The following AKAP7 variants were observed in gnomAD, a reference collection of about 807,000 sequenced individuals.
The protein encoded by AKAP7 is A kinase (PRKA) anchor protein 7.
In AKAP7, 39 loss-of-function variants were observed where a neutral mutation model predicts 39.5. The observed-to-expected ratio is 0.99, with a 90% CI of 0.76 to 1.29. The LOEUF is 1.29. Among genes scored for constraint, AKAP7 ranks in the 50% most tolerant of loss-of-function variants. The pLI is 0.00. For missense variants in AKAP7, 414 were observed against 407.7 expected (o/e 1.02, Z -0.13); for synonymous variants, 140 against 139.1 (o/e 1.01, Z -0.05).
chr6:131,259,955 C>T (rs1350170979), intron 7 of AKAP7, among the ~76,000 whole-genome samples: 1 of 151,026 alleles, frequency 6.6e-6, no homozygotes, highest in African/African-American at 2.4e-5. Context: ...TCTTGCCCCT[C>T]ATCCACCCAA....
chr6:131,266,377 A>G (rs1244569122), intron 7 of AKAP7, among the ~76,000 whole-genome samples: 1 of 152,220 alleles, frequency 6.6e-6, no homozygotes, highest in Non-Finnish European at 1.5e-5. Flanking sequence ...CTTGAGAAGC[A>G]AATGTCAACT....
intron 7 of AKAP7, among the ~76,000 whole-genome samples, chr6:131,225,559 A>G (rs898479815): frequency 6.6e-6 from 1 of 152,176 alleles, no homozygotes; most frequent in African/African-American, 2.4e-5. Flanking sequence ...AGTTTTATCA[A>G]ATTATAGGTG....
chr6:131,128,122 G>A, the AKAP7 span, among the ~76,000 whole-genome samples: 2 of 152,146 alleles, frequency 1.3e-5, no homozygotes, highest in South Asian at 4.1e-4. Context: ...CGTGACATGC[G>A]TTTACCTATA....
intron 7 of AKAP7, among the ~76,000 whole-genome samples, chr6:131,246,596 CA>C (rs1408624049): frequency 1.3e-5 from 2 of 152,048 alleles, no homozygotes; most frequent in East Asian, 1.9e-4. Flanking sequence ...TGAATGTGTT[CA>C]GGGGCCATTC....
chr6:131,233,109 A>AAGTT (rs1810763606), intron 7 of AKAP7, among the ~76,000 whole-genome samples: 1 of 151,800 alleles, frequency 6.6e-6, no homozygotes, highest in South Asian at 2.1e-4. Flanking sequence ...TGGAAAAACA[A>AAGTT]AGTTGGCAAA....
upstream of AKAP7, among the ~76,000 whole-genome samples, chr6:131,131,051 C>T (rs1169831998): frequency 6.6e-6 from 1 of 152,202 alleles, no homozygotes; most frequent in African/African-American, 2.4e-5. Flanking sequence ...CAGGTATATG[C>T]AAACCTATCC....
chr6:131,198,980 A>G lies in AKAP7; in HGVS notation c.590-481A>G, dbSNP rs566128485. ...GACTCTATCTGTTTCATCTCCTTAC[A>G]CAAGACCTTGGGCATTCAAAGATGT... On this transcript the variant is annotated intron_variant, in intron 5 of 7. Coordinates refer to ENST00000431975, the MANE Select transcript of AKAP7 (RefSeq NM_016377.4). Among the ~76,000 whole-genome samples the G allele has an allele frequency of 1.8e-3, 277 of 152,290 alleles. 13 individuals carry two copies. In the South Asian group the frequency reaches 0.056, roughly 31 times the overall value.
At chr6:131,270,204 A>G (rs1814156866) in intron 7 of AKAP7, among the ~76,000 whole-genome samples, 1 of 152,190 alleles carries the variant, frequency 6.6e-6, no homozygotes, top group Non-Finnish European at 1.5e-5. Flanking sequence ...TCACTCTCCA[A>G]AATTCTCTCA....
At chr6:131,168,159 C>A (rs939036558) in intron 4 of AKAP7, among the ~76,000 whole-genome samples, 2 of 152,074 alleles carry the variant, frequency 1.3e-5, no homozygotes, top group Non-Finnish European at 2.9e-5. Context: ...CACCTGTAAT[C>A]CCAGCAATTT....
intron 3 of AKAP7, among the ~76,000 whole-genome samples, chr6:131,160,682 G>A (rs1802858017): frequency 6.6e-6 from 1 of 152,212 alleles, no homozygotes; most frequent in South Asian, 2.1e-4. Context: ...TGTTGGGAAG[G>A]TAAACTGGGG....
intron 1 of AKAP7, among the ~76,000 whole-genome samples, 179 bp from the exon 2 acceptor site, chr6:131,145,106 A>G (rs1308543056): frequency 6.8e-6 from 1 of 147,376 alleles, no homozygotes; most frequent in Non-Finnish European, 1.5e-5. Flanking sequence ...ACAAAAATAT[A>G]GAGTGTGGTA....
At chr6:131,128,371 G>C in the AKAP7 span, among the ~76,000 whole-genome samples, 2 of 152,148 alleles carry the variant, frequency 1.3e-5, no homozygotes, top group African/African-American at 2.4e-5. Context: ...TAGAAAATGA[G>C]GGTTAGTGGG....
chr6:131,252,811 T>C (rs1812544440), intron 7 of AKAP7, among the ~76,000 whole-genome samples: 2 of 152,198 alleles, frequency 1.3e-5, no homozygotes, highest in Non-Finnish European at 2.9e-5. Flanking sequence ...CTGGGTCTTA[T>C]TTATCTTTGT....
chr6:131,152,461 A>G lies in AKAP7; in HGVS notation c.151+7045A>G, dbSNP rs187797941. ...AATGGAGTTCAGTAATGAAAAGCAC[A>G]CGGATTTTATACTTTGACCATATAT... is the stretch of plus-strand genomic sequence containing the variant. On this transcript the variant is annotated intron_variant, in intron 2 of 7. Transcript: ENST00000431975. Among the ~76,000 whole-genome samples, 290 of 152,350 alleles carry G rather than the reference A, an allele frequency of 1.9e-3. 2 individuals carry two copies. Among genetic ancestry groups the G allele is most frequent in the African/African-American group, 6.4e-3 (268 of 41,588 alleles).
At chr6:131,174,768 G>A (rs561988780) in intron 5 of AKAP7, among the ~76,000 whole-genome samples, 2 of 152,288 alleles carry the variant, frequency 1.3e-5, no homozygotes, top group African/African-American at 4.8e-5. Flanking sequence ...TAAATTGTAT[G>A]TATATGCCTA....
intron 6 of AKAP7, among the ~76,000 whole-genome samples, chr6:131,203,157 A>G (rs1189324120): frequency 6.6e-6 from 1 of 152,250 alleles, no homozygotes; most frequent in Non-Finnish European, 1.5e-5. Context: ...AAAAGGTGGC[A>G]TACATACAAG....
intron 6 of AKAP7, among the ~76,000 whole-genome samples, chr6:131,208,143 A>G (rs947262264): frequency 2.6e-5 from 4 of 152,204 alleles, no homozygotes; most frequent in African/African-American, 9.7e-5. Flanking sequence ...ATTAGTCAAC[A>G]CTGTCATCTA....
Position 131,282,171 on chromosome 6 carries a change from C to T in AKAP7, c.*445C>T, listed in dbSNP as rs1211551704. 8.1e-7 allele frequency: 1 copy of T among 1,240,950 alleles called. No homozygotes were observed. The highest frequency in any genetic ancestry group is 3.4e-5 in the East Asian group (1 of 29,134). 76.9% of individuals were successfully genotyped at this position (1,240,950 alleles called of 1,614,324 possible). A position where few individuals can be genotyped will look rare whatever the true frequency, so the allele number is the denominator to read the frequency against. ...AAATAATCACTGTTGGAATTGTCAT[C>T]TGTACAATTAGTCCATAATGTTTCA... On this transcript the variant is annotated 3_prime_UTR_variant, in exon 8 of 8. Transcript: ENST00000431975.
At position 131,169,064 on chromosome 6, in the gene AKAP7, A is replaced by G. The variant is rs374490676; in HGVS notation, c.429-49A>G. 8 of 1,478,856 alleles carry G rather than the reference A, an allele frequency of 5.4e-6. No homozygotes were observed. In the African/African-American group the frequency reaches 9.9e-5, roughly 18 times the overall value. The allele number at this position is 1,478,856 out of a possible 1,614,324, so 91.6% of individuals were successfully genotyped here. A position where few individuals can be genotyped will look rare whatever the true frequency, so the allele number is the denominator to read the frequency against. ...TACTTTGTATCTTATTTGGTTTTGT[A>G]TATTTTATTACTTAATGTGTTACTG... is the stretch of plus-strand genomic sequence containing the variant. On this transcript the variant is annotated intron_variant, in intron 4 of 7. Coordinates refer to ENST00000431975, the MANE Select transcript of AKAP7 (RefSeq NM_016377.4).
Sources: allele counts gnomAD v4.1 joint callset (sites outside exome capture counted in the v4.1 genomes callset), GRCh38; gene constraint gnomAD v4.1.1; transcripts MANE v1.5; gene names NCBI Gene and HGNC (gene_info 2026-07-23, HGNC 2026-07-21).